The following ROR1 variants were observed in gnomAD, a reference collection of about 807,000 sequenced individuals.
The protein encoded by ROR1 is inactive tyrosine-protein kinase transmembrane receptor ROR1.
In ROR1, 19 loss-of-function variants were observed where a neutral mutation model predicts 78.8. The ratio of observed to expected loss-of-function variants is 0.24; its 90% confidence interval spans 0.17 to 0.35. ROR1 has a LOEUF of 0.35. ROR1 is among the 10% of genes least tolerant of loss of function. The pLI is 1.00. For missense variants in ROR1, 917 were observed against 1,177.8 expected (o/e 0.78, Z 3.24); for synonymous variants, 386 against 433.6 (o/e 0.89, Z 1.36).
At chr1:64,073,336 C>G (rs1647022823) in intron 4 of ROR1, among the ~76,000 whole-genome samples, 1 of 151,882 alleles carries the variant, frequency 6.6e-6, no homozygotes, top group Admixed American at 6.6e-5. Context: ...TCCATGTGCT[C>G]CTTTATTTTA....
In ROR1 at chr1:63,930,543, A is replaced by G. The variant is rs1645743311; in HGVS notation, c.92-78762A>G. Among the ~76,000 whole-genome samples, 4 of 152,178 alleles carry G rather than the reference A, an allele frequency of 2.6e-5. No homozygotes were observed. The South Asian group carries it at 8.3e-4, about 32-fold the overall frequency. ...CAGGGTTGGCCAGTCTTCCAGCTGC[A>G]TCAGGTGGTAGACTTACTGGGTGGG... On this transcript the variant is annotated intron_variant, in intron 1 of 8. Transcript: ENST00000371079.
At chr1:64,174,837 T>C (rs1365476828) in intron 8 of ROR1, among the ~76,000 whole-genome samples, 1 of 151,972 alleles carries the variant, frequency 6.6e-6, no homozygotes, top group East Asian at 1.9e-4. Flanking sequence ...AAAAGTAGGG[T>C]TGGCTCAACT....
At chr1:63,815,051 A>G (rs1170611399) in intron 1 of ROR1, among the ~76,000 whole-genome samples, 1 of 151,826 alleles carries the variant, frequency 6.6e-6, no homozygotes, top group Non-Finnish European at 1.5e-5. Flanking sequence ...ATTAGCTTTG[A>G]TCTCTTTGGA....
intron 1 of ROR1, among the ~76,000 whole-genome samples, chr1:63,842,494 A>C (rs1645055068): frequency 6.6e-6 from 1 of 152,184 alleles, no homozygotes; most frequent in African/African-American, 2.4e-5. Context: ...TGGGCAACAA[A>C]GATGCTTCAC....
At chr1:63,981,298 C>T (rs1376573751) in intron 1 of ROR1, among the ~76,000 whole-genome samples, 1 of 152,094 alleles carries the variant, frequency 6.6e-6, no homozygotes, top group Non-Finnish European at 1.5e-5. Context: ...CTAACAGCCT[C>T]CTCAGCTCCT....
intron 2 of ROR1, among the ~76,000 whole-genome samples, chr1:64,018,924 G>A (rs1277150346): frequency 6.6e-6 from 1 of 152,154 alleles, no homozygotes; most frequent in Non-Finnish European, 1.5e-5. Flanking sequence ...CCCCTCCATT[G>A]TTACCATCTT....
At chr1:63,898,389 GTT>G (rs10710390) in intron 1 of ROR1, among the ~76,000 whole-genome samples, 2 of 149,368 alleles carry the variant, frequency 1.3e-5, no homozygotes, top group Non-Finnish European at 3.0e-5. Flanking sequence ...GATAAAGGAG[GTT>G]TTTTTTTTAA....
chr1:63,961,114 T>C (rs1646023650), intron 1 of ROR1, among the ~76,000 whole-genome samples: 1 of 152,000 alleles, frequency 6.6e-6, no homozygotes, highest in Non-Finnish European at 1.5e-5. Flanking sequence ...TTTCCTCCTT[T>C]TTGACATTCC....
At chr1:63,967,036 T>G (rs956548425) in intron 1 of ROR1, among the ~76,000 whole-genome samples, 1 of 152,148 alleles carries the variant, frequency 6.6e-6, no homozygotes, top group African/African-American at 2.4e-5. Flanking sequence ...CCCACCAGGT[T>G]TGGGATTTTC....
Position 63,909,177 on chromosome 1 carries a change from T to TGGGAACCCCACCCC in ROR1, c.92-100127_92-100114dup, listed in dbSNP as rs71584419. On this transcript the variant is annotated intron_variant, in intron 1 of 8. Coordinates refer to ENST00000371079, the MANE Select transcript of ROR1 (RefSeq NM_005012.4). ...CCCCCTGCGCACCTGCTTTCCACCC[T>TGGGAACCCCACCCC]GGGAACCCCACCCCTGCCCCGATAA... is the stretch of plus-strand genomic sequence containing the variant. 3.2e-3 allele frequency among the ~76,000 whole-genome samples: 489 copies of TGGGAACCCCACCCC among 152,238 alleles called. 3 individuals are homozygous for TGGGAACCCCACCCC. Among genetic ancestry groups the TGGGAACCCCACCCC allele is most frequent in the Non-Finnish European group, 5.9e-3 (398 of 68,000 alleles).
intron 7 of ROR1, among the ~76,000 whole-genome samples, chr1:64,153,525 G>A (rs1326986247): frequency 6.6e-6 from 1 of 152,150 alleles, no homozygotes; most frequent in Admixed American, 6.6e-5. Context: ...GTGGATGAAT[G>A]GATAAAGAAA....
At chr1:63,940,305 C>A (rs146925323) in intron 1 of ROR1, among the ~76,000 whole-genome samples, 37 of 152,182 alleles carry the variant, frequency 2.4e-4, no homozygotes, top group African/African-American at 8.9e-4. Context: ...CAAACATGAT[C>A]AGTGATGTCA....
chr1:63,837,683 C>A (rs903996696), intron 1 of ROR1, among the ~76,000 whole-genome samples: 3 of 152,114 alleles, frequency 2.0e-5, no homozygotes, highest in Non-Finnish European at 4.4e-5. Context: ...TAGCTGGACA[C>A]GGTGGCGTGT....
At chr1:64,064,308 C>T (rs1010519756) in intron 4 of ROR1, among the ~76,000 whole-genome samples, 1 of 152,176 alleles carries the variant, frequency 6.6e-6, no homozygotes, top group Non-Finnish European at 1.5e-5. Flanking sequence ...GCACTGGAGT[C>T]ATGAGAAGAT....
chr1:63,834,543 T>C (rs1397332352), intron 1 of ROR1, among the ~76,000 whole-genome samples: 1 of 152,250 alleles, frequency 6.6e-6, no homozygotes, highest in African/African-American at 2.4e-5. Flanking sequence ...TCTTCTGTTC[T>C]GATGCTTTGA....
chr1:64,053,453 G>T (rs1027205951), intron 4 of ROR1, among the ~76,000 whole-genome samples: 2 of 152,114 alleles, frequency 1.3e-5, no homozygotes, highest in South Asian at 4.2e-4. Flanking sequence ...TGATATTTTC[G>T]TTTGGTTTCC....
chr1:64,012,238 C>T lies in ROR1; in HGVS notation c.163+2862C>T, dbSNP rs114677918. Among the ~76,000 whole-genome samples the T allele has an allele frequency of 4.2e-4, 64 of 152,214 alleles. 1 individual carries two copies. Among genetic ancestry groups the T allele is most frequent in the African/African-American group, 1.4e-3 (58 of 41,528 alleles). ...GGAGCCACAGGAAACAAACTCCCTG[C>T]GTTAGGATATGAATGAAGAATGACT... On this transcript the variant is annotated intron_variant, in intron 2 of 8. Coordinates refer to ENST00000371079, the MANE Select transcript of ROR1 (RefSeq NM_005012.4).
In ROR1 at chr1:63,875,198, T is replaced by C. The variant is rs111494491; in HGVS notation, c.91+100690T>C. 8.1e-4 allele frequency among the ~76,000 whole-genome samples: 123 copies of C among 152,354 alleles called. 1 individual carries two copies. Among genetic ancestry groups the C allele is most frequent in the African/African-American group, 2.7e-3 (113 of 41,584 alleles). On this transcript the variant is annotated intron_variant, in intron 1 of 8. Transcript: ENST00000371079. ...GTCAGGGGTAATCATAGTACTTATT[T>C]ATACAGTTATTATAAGGAGTAAATA... is the stretch of plus-strand genomic sequence containing the variant.
rs147361465 is a variant in ROR1, at chr1:64,176,720, A to G, written c.1387-708A>G. ...GCCTGAAACAGGCTTTTTAGAAAACAAAGGATTTAATCAATGGAGAAGACC... is the reference window on the plus strand; with the variant it reads ...GCCTGAAACAGGCTTTTTAGAAAACGAAGGATTTAATCAATGGAGAAGACC... On this transcript the variant is annotated intron_variant, in intron 8 of 8. Coordinates refer to ENST00000371079, the MANE Select transcript of ROR1 (RefSeq NM_005012.4). 4.5e-4 allele frequency among the ~76,000 whole-genome samples: 68 copies of G among 152,344 alleles called. 1 individual carries two copies. In the East Asian group the frequency reaches 8.3e-3, roughly 19 times the overall value.
Sources: allele counts gnomAD v4.1 joint callset (sites outside exome capture counted in the v4.1 genomes callset), GRCh38; gene constraint gnomAD v4.1.1; transcripts MANE v1.5; gene names NCBI Gene and HGNC (gene_info 2026-07-23, HGNC 2026-07-21).